Variants in REDIC1 observed in about 807,000 individuals in gnomAD.
REDIC1 encodes regulator of DNA class I crossover intermediates 1, also known as HEI10 Interacting Protein 1.
chr12:39,729,807 GA>G, the REDIC1 span, among the ~76,000 whole-genome samples: 1 of 152,126 alleles, frequency 6.6e-6, no homozygotes, highest in African/African-American at 2.4e-5. Flanking sequence ...TCTCTTTGTA[GA>G]TCTCTAAGAA....
At chr12:39,655,074 A>G in the REDIC1 span, among the ~76,000 whole-genome samples, 2 of 152,050 alleles carry the variant, frequency 1.3e-5, no homozygotes, top group Non-Finnish European at 2.9e-5. Flanking sequence ...ATTGGTGTTT[A>G]TATCACTTCT....
At chr12:39,838,424 T>C in the REDIC1 span, among the ~76,000 whole-genome samples, 8 of 147,026 alleles carry the variant, frequency 5.4e-5, no homozygotes, top group Admixed American at 2.0e-4. Context: ...CGCACCAGCA[T>C]GGCACATGTA....
At chr12:39,637,127 T>G in the REDIC1 span, among the ~76,000 whole-genome samples, 3 of 152,018 alleles carry the variant, frequency 2.0e-5, no homozygotes, top group South Asian at 6.2e-4. Context: ...CCCTTTATAC[T>G]TTTTTGTTTT....
chr12:39,684,975 A>G, the REDIC1 span: 3 of 1,303,206 alleles, frequency 2.3e-6, no homozygotes, highest in Admixed American at 1.8e-5. Context: ...AGTTTGTATT[A>G]CCATATCACA....
chr12:39,830,533 T>A, the REDIC1 span: 1 of 1,045,386 alleles, frequency 9.6e-7, no homozygotes, highest in Non-Finnish European at 1.2e-6. Flanking sequence ...TTTGCTTTCC[T>A]AAACCACTGA....
chr12:39,714,084 C>CGTGTATATGT, the REDIC1 span, among the ~76,000 whole-genome samples: 23 of 56,614 alleles, frequency 4.1e-4, 1 homozygote, highest in East Asian at 9.9e-4. Context: ...TGTATATACA[C>CGTGTATATGT]ATATATGTAC....
the REDIC1 span, among the ~76,000 whole-genome samples, chr12:39,655,776 T>A: frequency 1.3e-5 from 2 of 152,200 alleles, no homozygotes; most frequent in African/African-American, 4.8e-5. Flanking sequence ...AGGCTATAAC[T>A]GTATGGACAC....
chr12:39,767,398 G>T, the REDIC1 span, among the ~76,000 whole-genome samples: 3 of 151,274 alleles, frequency 2.0e-5, no homozygotes, highest in African/African-American at 2.4e-5. Context: ...AGGTTTTTTT[G>T]TTTCGTTTTA....
the REDIC1 span, among the ~76,000 whole-genome samples, chr12:39,831,998 A>AT: frequency 6.6e-6 from 1 of 152,118 alleles, no homozygotes; most frequent in South Asian, 2.1e-4. Context: ...TAAAAATTAG[A>AT]TTTGTTATCA....
chr12:39,650,194 T>C, the REDIC1 span: 8 of 1,489,764 alleles, frequency 5.4e-6, no homozygotes, highest in African/African-American at 1.4e-5. This position sits in a 1 kb window ranked among gnomAD's most constrained non-coding sequence, Gnocchi z 4.3. Flanking sequence ...ATTGTATATA[T>C]GTACATTTAC....
the REDIC1 span, among the ~76,000 whole-genome samples, chr12:39,882,254 G>A: frequency 6.6e-6 from 1 of 152,038 alleles, no homozygotes; most frequent in Non-Finnish European, 1.5e-5. Flanking sequence ...AAGACTATTA[G>A]GCCCTGTCCC....
At chr12:39,677,615 G>T in the REDIC1 span, among the ~76,000 whole-genome samples, 1 of 152,004 alleles carries the variant, frequency 6.6e-6, no homozygotes, top group Non-Finnish European at 1.5e-5. Flanking sequence ...ACAGAATATT[G>T]TACCCCAAAA....
chr12:39,633,763 G>A, the REDIC1 span, among the ~76,000 whole-genome samples: 8 of 152,156 alleles, frequency 5.3e-5, no homozygotes, highest in Admixed American at 4.6e-4. Flanking sequence ...TGTTGTATAA[G>A]TGGTCTGTCC....
chr12:39,835,279 G>A, the REDIC1 span, among the ~76,000 whole-genome samples: 1 of 151,922 alleles, frequency 6.6e-6, no homozygotes, highest in Non-Finnish European at 1.5e-5. Context: ...TTCTAAGATT[G>A]TACATGAAAG....
chr12:39,795,954 T>C, the REDIC1 span, among the ~76,000 whole-genome samples: 1 of 152,054 alleles, frequency 6.6e-6, no homozygotes, highest in African/African-American at 2.4e-5. Flanking sequence ...ATTCACAGAG[T>C]TGTGTAGCCA....
the REDIC1 span, chr12:39,758,085 A>G: frequency 1.3e-5 from 2 of 151,608 alleles, no homozygotes; most frequent in South Asian, 4.1e-4. Context: ...CTATTAAATC[A>G]TATCTGCTTT....
At chr12:39,636,651 A>T in the REDIC1 span, among the ~76,000 whole-genome samples, 1 of 152,012 alleles carries the variant, frequency 6.6e-6, no homozygotes, top group Non-Finnish European at 1.5e-5. Context: ...CAAATTTAAG[A>T]TATTATTATA....
the REDIC1 span, among the ~76,000 whole-genome samples, chr12:39,883,503 C>T: frequency 6.6e-6 from 1 of 152,212 alleles, no homozygotes; most frequent in East Asian, 1.9e-4. Context: ...CTCATTAAAC[C>T]AAACAGGACG....
chr12:39,738,975 A>T, the REDIC1 span, among the ~76,000 whole-genome samples: 17 of 152,192 alleles, frequency 1.1e-4, no homozygotes, highest in African/African-American at 3.6e-4. Context: ...GAGATGAAAA[A>T]ATCAAGTGGA....
Sources: allele counts gnomAD v4.1 joint callset (sites outside exome capture counted in the v4.1 genomes callset), GRCh38; gene constraint gnomAD v4.1.1; non-coding constraint Gnocchi (gnomAD v3.1); transcripts MANE v1.5; gene names NCBI Gene and HGNC (gene_info 2026-07-23, HGNC 2026-07-21).